Variants in ZNF331 observed in about 807,000 individuals in gnomAD.
The protein encoded by ZNF331 is C2H2-like zinc finger protein rearranged in thyroid adenomas.
A neutral mutation model predicts 7.0 loss-of-function variants in ZNF331; 2 were observed. The observed-to-expected ratio is 0.29, with a 90% CI of 0.12 to 0.90. ZNF331 has a LOEUF of 0.90. ZNF331 is among the 40% of genes least tolerant of loss of function. The probability of loss-of-function intolerance (pLI) is 0.58; values close to 1 mark genes in which losing one functional copy is unlikely to be tolerated. For synonymous variants in ZNF331, 196 were observed against 205.4 expected, an observed-to-expected ratio of 0.95 and a Z score of 0.39; for missense variants, 432 against 587.7, an observed-to-expected ratio of 0.74 and a Z score of 2.74.
At chr19:53,538,486 C>G (rs73935655) in intron 1 of ZNF331, 190 bp downstream of exon 1, 1 of 152,642 alleles carries the variant, frequency 6.6e-6, no homozygotes, top group Non-Finnish European at 1.5e-5. Context: ...GACTCTGCTC[C>G]GTGAGGTGCG....
intron 2 of ZNF331, among the ~76,000 whole-genome samples, chr19:53,551,904 C>T (rs1207252724): frequency 6.6e-6 from 1 of 152,104 alleles, no homozygotes; most frequent in Non-Finnish European, 1.5e-5. Context: ...GGTTCTGGAA[C>T]AAATCTGGAT....
the ZNF331 span, among the ~76,000 whole-genome samples, chr19:53,506,456 C>CTCTCTCTCTCTCTCTCTCTCTCTCTG: frequency 2.0e-5 from 2 of 102,030 alleles, no homozygotes; most frequent in Non-Finnish European, 3.8e-5. Context: ...CTCTCTCTCT[C>CTCTCTCTCTCTCTCTCTCTCTCTCTG]TCTCTCTCTC....
At chr19:53,553,409 C>A (rs1436195042) in intron 2 of ZNF331, among the ~76,000 whole-genome samples, 3 of 151,980 alleles carry the variant, frequency 2.0e-5, no homozygotes, top group Non-Finnish European at 4.4e-5. Flanking sequence ...ATTGGTGTAA[C>A]CAGGTGAAAG....
chr19:53,538,071 T>G (rs1160651071), upstream of ZNF331: 1 of 152,358 alleles, frequency 6.6e-6, no homozygotes, highest in Non-Finnish European at 1.5e-5. Context: ...TGCTGCTGTC[T>G]GCGCGCTGCG....
chr19:53,556,346 G>A (rs1478358086), intron 3 of ZNF331, among the ~76,000 whole-genome samples: 2 of 151,866 alleles, frequency 1.3e-5, no homozygotes, highest in Non-Finnish European at 2.9e-5. Flanking sequence ...GAGGAGCCTG[G>A]TCACATTTAT....
chr19:53,506,283 G>T, the ZNF331 span, among the ~76,000 whole-genome samples: 49 of 76,874 alleles, frequency 6.4e-4, no homozygotes, highest in East Asian at 7.1e-3. Flanking sequence ...TGCAGTGAGC[G>T]GAGATCGCGC....
rs1185218243 is a variant in ZNF331, at chr19:53,559,263, CAT to C, written c.-74+3359_-74+3360del. 4.0e-5 allele frequency among the ~76,000 whole-genome samples: 6 copies of C among 150,334 alleles called. No individual in the cohort carries two copies. The East Asian group carries it at 5.9e-4, about 15-fold the overall frequency. ...CATACACACACCCCATGTACACACA[CAT>C]ATACACAACTACATATATACATACC... is the stretch of plus-strand genomic sequence containing the variant. On this transcript the variant is annotated intron_variant, in intron 3 of 5. Transcript: ENST00000449416.
intron 3 of ZNF331, among the ~76,000 whole-genome samples, chr19:53,556,829 G>A (rs557486502): frequency 1.3e-5 from 2 of 151,504 alleles, no homozygotes; most frequent in South Asian, 2.1e-4. Flanking sequence ...ATTTTGAGAC[G>A]GGGTCTCGCT....
chr19:53,554,303 G>T (rs2089213484), intron 2 of ZNF331, among the ~76,000 whole-genome samples: 1 of 152,166 alleles, frequency 6.6e-6, no homozygotes, highest in Non-Finnish European at 1.5e-5. Context: ...GTGTGTCGGG[G>T]TCTGGTCGCA....
chr19:53,566,526 T>C (rs1419471931), intron 3 of ZNF331, among the ~76,000 whole-genome samples: 1 of 152,086 alleles, frequency 6.6e-6, no homozygotes, highest in Non-Finnish European at 1.5e-5. Context: ...AATCTGAATC[T>C]TCTGGACTCC....
In ZNF331 at chr19:53,576,860, C is replaced by G. The variant is rs1432914912; in HGVS notation, c.300C>G (p.Val100=). ...ERPQRSRGRY[V]NQMIINYVKR... ...CACAGCGCTCCAGAGGGAGGTATGT[C>G]AATCAGATGATCATCAATTATGTCA... The change falls in exon 6 of 6, where the codon GTC becomes GTG. Residue 100 remains valine, a synonymous_variant. Transcript: ENST00000449416. 6.2e-7 allele frequency: 1 copy of G among 1,614,152 alleles called. No homozygotes were observed.
chr19:53,506,053 C>G, the ZNF331 span, among the ~76,000 whole-genome samples: 2 of 148,768 alleles, frequency 1.3e-5, no homozygotes, highest in East Asian at 4.1e-4. Context: ...AGAATCACAC[C>G]GGCTGGGTGC....
At chr19:53,535,100 C>T (rs1364485003), upstream of ZNF331, among the ~76,000 whole-genome samples, 1 of 149,950 alleles carries the variant, frequency 6.7e-6, no homozygotes, top group Non-Finnish European at 1.5e-5. Context: ...ATTTATTTAT[C>T]TATTTATTTA....
chr19:53,531,229 C>T (rs896070911), intron 2 of ZNF331, among the ~76,000 whole-genome samples: 1 of 152,138 alleles, frequency 6.6e-6, no homozygotes, highest in Non-Finnish European at 1.5e-5. Context: ...AAATGATTAG[C>T]GTTTATAAGA....
At chr19:53,568,851 T>G (rs1218120077) in intron 3 of ZNF331, among the ~76,000 whole-genome samples, 1 of 19,012 alleles carries the variant, frequency 5.3e-5, no homozygotes, top group Non-Finnish European at 1.0e-4. Flanking sequence ...ATGATACTCT[T>G]TTTTTTTTTT....
At chr19:53,537,684 T>A (rs1328386224), upstream of ZNF331, 1 of 152,228 alleles carries the variant, frequency 6.6e-6, no homozygotes, top group African/African-American at 2.4e-5. Context: ...GGGGCTCTGG[T>A]TTCCCCCGAC....
chr19:53,518,466 A>G (rs1473413188), upstream of ZNF331, among the ~76,000 whole-genome samples: 1 of 152,036 alleles, frequency 6.6e-6, no homozygotes, highest in Non-Finnish European at 1.5e-5. Flanking sequence ...CTCCCTAATA[A>G]ACTTCCTTTC....
the ZNF331 span, among the ~76,000 whole-genome samples, chr19:53,508,157 C>G: frequency 2.6e-5 from 4 of 152,158 alleles, no homozygotes; most frequent in Non-Finnish European, 5.9e-5. Flanking sequence ...TGGACAGAGC[C>G]TGAATCTGTC....
At chr19:53,544,268 G>A (rs1017889262) in intron 2 of ZNF331, among the ~76,000 whole-genome samples, 13 of 143,416 alleles carry the variant, frequency 9.1e-5, no homozygotes, top group African/African-American at 1.6e-4. Context: ...TTATTAGGCC[G>A]GGTGTGGTGG....
Sources: allele counts gnomAD v4.1 joint callset (sites outside exome capture counted in the v4.1 genomes callset), GRCh38; gene constraint gnomAD v4.1.1; transcripts MANE v1.5; gene names NCBI Gene and HGNC (gene_info 2026-07-23, HGNC 2026-07-21).